PDE10A: variants seen among roughly 807,000 people sequenced by gnomAD.
PDE10A encodes the protein cAMP and cAMP-inhibited cGMP 3',5'-cyclic phosphodiesterase 10A.
PDE10A carries 39 observed loss-of-function variants against 97.7 expected under a neutral mutation model. That is an observed-to-expected ratio of 0.40 (90% CI 0.31 to 0.52). PDE10A has a LOEUF of 0.52. Ranked by LOEUF, PDE10A falls within the 20% of genes least tolerant of loss-of-function variation. The pLI is 0.56. For synonymous variants in PDE10A, 371 were observed against 376.8 expected (o/e 0.98, Z 0.18); for missense variants, 731 against 1,047.8 (o/e 0.70, Z 4.17).
intron 1 of PDE10A, among the ~76,000 whole-genome samples, chr6:165,696,936 G>A (rs6927989): frequency 0.49 from 74,794 of 151,916 alleles, 18,871 homozygotes; most frequent in Non-Finnish European, 0.56. Flanking sequence ...CAGTAAATAT[G>A]AACTGGCAGA....
chr6:165,423,450 G>A (rs575494509), intron 10 of PDE10A, among the ~76,000 whole-genome samples: 4 of 152,304 alleles, frequency 2.6e-5, no homozygotes, highest in African/African-American at 9.6e-5. Context: ...ACAAGCTAAA[G>A]ACGCTGCAGG....
At chr6:165,830,257 T>C (rs1779872847) in intron 1 of PDE10A, among the ~76,000 whole-genome samples, 1 of 152,204 alleles carries the variant, frequency 6.6e-6, no homozygotes, top group Non-Finnish European at 1.5e-5. Context: ...AAGGCGCCTC[T>C]GTCCCGCACT....
In PDE10A at chr6:165,895,647, C is replaced by T. The variant is rs138551400; in HGVS notation, c.-615+91882G>A. Reference sequence around the variant, plus strand: ...ATCCCTTTCCCTGTCCTGGCCTTTGCCACAGTCCTCTCAGACTTGCCAAGC... The same window carrying T: ...ATCCCTTTCCCTGTCCTGGCCTTTGTCACAGTCCTCTCAGACTTGCCAAGC... On this transcript the variant is annotated intron_variant, in intron 1 of 19. Transcript: ENST00000366882. 4.6e-5 allele frequency among the ~76,000 whole-genome samples: 7 copies of T among 152,346 alleles called. No individual in the cohort carries two copies. In the East Asian group the frequency reaches 1.4e-3, roughly 29 times the overall value.
intron 1 of PDE10A, among the ~76,000 whole-genome samples, chr6:165,945,259 G>C (rs1335413797): frequency 6.6e-6 from 1 of 152,126 alleles, no homozygotes; most frequent in African/African-American, 2.4e-5. Context: ...TCCAGCCCCA[G>C]TAAAACTTCA....
intron 1 of PDE10A, among the ~76,000 whole-genome samples, chr6:165,840,001 C>CCATCCCCATCTCCAACTCCATCCA (rs1780208454): frequency 4.2e-4 from 1 of 2,362 alleles, no homozygotes; most frequent in African/African-American, 1.5e-3. Flanking sequence ...AACTCCATCC[C>CCATCCCCATCTCCAACTCCATCCA]ATCTCCATCC....
chr6:165,734,383 A>T (rs1215382963), intron 1 of PDE10A, among the ~76,000 whole-genome samples: 1 of 152,194 alleles, frequency 6.6e-6, no homozygotes, highest in Non-Finnish European at 1.5e-5. Flanking sequence ...GAAGGGGAAG[A>T]TACACAGGAG....
intron 1 of PDE10A, among the ~76,000 whole-genome samples, chr6:165,822,615 TAAA>T (rs34504537): frequency 6.9e-6 from 1 of 144,876 alleles, no homozygotes; most frequent in Non-Finnish European, 1.5e-5. Context: ...GGTATAAGCT[TAAA>T]AAAAAAAAAA....
rs1181130358 is a variant in PDE10A, at chr6:165,691,589, GCGCACACA to G, written c.-614-148029_-614-148022del. 7.9e-3 allele frequency among the ~76,000 whole-genome samples: 1,143 copies of G among 143,874 alleles called. 1 individual carries two copies. Among genetic ancestry groups the G allele is most frequent in the Non-Finnish European group, 9.2e-3 (597 of 65,240 alleles). The allele number at this position is 143,874 out of a possible 152,430, so 94.4% of individuals were successfully genotyped here. A position where few individuals can be genotyped will look rare whatever the true frequency, so the allele number is the denominator to read the frequency against. The stretch of plus-strand genomic sequence containing the variant: ...TGCCCATGCGCACGCATGCACGCGC[GCGCACACA>G]CACACACACACACACACACACACAC... On this transcript the variant is annotated intron_variant, in intron 1 of 19. Transcript: ENST00000366882.
chr6:165,423,831 A>G (rs1788908717), intron 10 of PDE10A, among the ~76,000 whole-genome samples: 1 of 150,682 alleles, frequency 6.6e-6, no homozygotes, highest in African/African-American at 2.4e-5. Context: ...GCCTCCTGAC[A>G]GAGCGAGACT....
intron 1 of PDE10A, among the ~76,000 whole-genome samples, chr6:165,960,175 A>G (rs1362481384): frequency 1.3e-5 from 2 of 152,238 alleles, no homozygotes; most frequent in Non-Finnish European, 2.9e-5. Context: ...GGTAAAATCA[A>G]TGAGAATCAA....
intron 17 of PDE10A, among the ~76,000 whole-genome samples, chr6:165,383,816 C>T (rs376201249): frequency 2.0e-5 from 3 of 152,220 alleles, no homozygotes; most frequent in African/African-American, 7.2e-5. Flanking sequence ...GGTGCTCAGG[C>T]GCTATGTAAA....
chr6:165,768,709 G>A (rs1777929369), intron 1 of PDE10A, among the ~76,000 whole-genome samples: 1 of 152,064 alleles, frequency 6.6e-6, no homozygotes, highest in African/African-American at 2.4e-5. Flanking sequence ...ATCAAGACTA[G>A]CCTCTTAAAT....
rs140160882 is a variant in PDE10A, at chr6:165,956,440, T to C, written c.-615+31089A>G. ...GGTCTAACAGTGTTTAATTTACTAG[T>C]ATCTCTAAAAACTGAACAGGAATGA... On this transcript the variant is annotated intron_variant, in intron 1 of 19. Coordinates refer to the PDE10A transcript ENST00000366882. Among the ~76,000 whole-genome samples, 755 of 152,322 alleles carry C rather than the reference T, an allele frequency of 5.0e-3. 9 individuals are homozygous for C. The South Asian group carries it at 0.063, about 13-fold the overall frequency.
intron 18 of PDE10A, among the ~76,000 whole-genome samples, chr6:165,344,895 A>T (rs900683947): frequency 8.5e-5 from 13 of 152,202 alleles, no homozygotes; most frequent in African/African-American, 3.1e-4. Context: ...AACAGATGCT[A>T]TGTGAAGATC....
At chr6:165,985,418 A>G (rs1785161657) in intron 1 of PDE10A, among the ~76,000 whole-genome samples, 1 of 152,140 alleles carries the variant, frequency 6.6e-6, no homozygotes. Context: ...TCAGTTTCTC[A>G]TTGGTGTTAT....
chr6:165,864,429 T>A (rs1224436340), intron 1 of PDE10A, among the ~76,000 whole-genome samples: 1 of 152,198 alleles, frequency 6.6e-6, no homozygotes, highest in Non-Finnish European at 1.5e-5. Flanking sequence ...TCCACCAGAA[T>A]GGGCAAAGGC....
At chr6:165,916,353 G>A (rs2128487345) in intron 1 of PDE10A, among the ~76,000 whole-genome samples, 1 of 152,312 alleles carries the variant, frequency 6.6e-6, no homozygotes, top group South Asian at 2.1e-4. Context: ...TCAGATTCAG[G>A]ACAGGACCAT....
chr6:165,552,726 C>T (rs1461356950), intron 1 of PDE10A, among the ~76,000 whole-genome samples: 1 of 152,164 alleles, frequency 6.6e-6, no homozygotes, highest in African/African-American at 2.4e-5. Flanking sequence ...CGGCTCTCAT[C>T]AAGCATAGCC....
intron 1 of PDE10A, among the ~76,000 whole-genome samples, chr6:165,724,513 C>A (rs992176778): frequency 6.6e-6 from 1 of 152,220 alleles, no homozygotes; most frequent in African/African-American, 2.4e-5. Flanking sequence ...TCAGAACCTC[C>A]AAATTATTAG....
Sources: allele counts gnomAD v4.1 joint callset (sites outside exome capture counted in the v4.1 genomes callset), GRCh38; gene constraint gnomAD v4.1.1; transcripts MANE v1.5; gene names NCBI Gene and HGNC (gene_info 2026-07-23, HGNC 2026-07-21).